TRAPPC10: variants seen among roughly 807,000 people sequenced by gnomAD.
The protein encoded by TRAPPC10 is TRAPP 130 kDa subunit.
Under a neutral mutation model 125.5 loss-of-function variants are expected in TRAPPC10, and 23 were observed. That is an observed-to-expected ratio of 0.18 (90% confidence interval 0.13 to 0.26). TRAPPC10 has a LOEUF of 0.26. Among genes scored for constraint, TRAPPC10 ranks in the 10% least tolerant of loss-of-function variants. The pLI is 1.00. For synonymous variants in TRAPPC10, 509 were observed against 518.0 expected (o/e 0.98, Z 0.24); for missense variants, 1,123 against 1,308.4 (o/e 0.86, Z 2.19).
At chr21:44,023,121 C>T (rs1209419442) in intron 1 of TRAPPC10, among the ~76,000 whole-genome samples, 3 of 148,904 alleles carry the variant, frequency 2.0e-5, no homozygotes, top group African/African-American at 7.5e-5. Context: ...CAAGTTCCAC[C>T]TCCCGGGTTC....
intron 2 of TRAPPC10, among the ~76,000 whole-genome samples, chr21:44,033,867 A>G (rs1205509170): frequency 6.6e-6 from 1 of 152,212 alleles, no homozygotes; most frequent in Non-Finnish European, 1.5e-5. Flanking sequence ...TGGCTAAAAA[A>G]TAAATAAAAA....
chr21:44,063,587 C>T lies in TRAPPC10; in HGVS notation c.840C>T (p.Asn280=), dbSNP rs777027534. The T allele has an allele frequency of 5.0e-6, 8 of 1,614,072 alleles. No individual in the cohort carries two copies. The Admixed American group carries it at 5.0e-5, about 10-fold the overall frequency. ...TFFCQPVKSW[N]GLILRKPIDM... ...TCTGCCAGCCAGTGAAGAGCTGGAA[C>T]GGATTGATCCTCCGAAAACCCATAG... Residue 280 remains asparagine, a synonymous_variant, in exon 7 of 23, where the codon AAC becomes AAT. Coordinates refer to ENST00000291574, the MANE Select transcript of TRAPPC10 (RefSeq NM_003274.5). This position sits in a 1 kb window ranked among gnomAD's most constrained non-coding sequence, Gnocchi z 4.4.
intron 20 of TRAPPC10, among the ~76,000 whole-genome samples, chr21:44,095,933 CT>C (rs2038903557): frequency 6.9e-6 from 1 of 143,952 alleles, no homozygotes; most frequent in Non-Finnish European, 1.5e-5. Flanking sequence ...AGTGGAATTT[CT>C]GGGTCATAGG....
chr21:44,066,915 A>G (rs1179572354), intron 7 of TRAPPC10, among the ~76,000 whole-genome samples: 1 of 152,252 alleles, frequency 6.6e-6, no homozygotes, highest in Non-Finnish European at 1.5e-5. Context: ...ACCTTTGGTA[A>G]GAAAAAAGTA....
intron 3 of TRAPPC10, among the ~76,000 whole-genome samples, chr21:44,040,141 T>C (rs1178347343): frequency 1.3e-5 from 2 of 152,202 alleles, no homozygotes; most frequent in Non-Finnish European, 2.9e-5. Flanking sequence ...AGCTTCATCC[T>C]TTTCAGGGTT....
chr21:44,079,090 C>T (rs533801150), intron 11 of TRAPPC10, among the ~76,000 whole-genome samples: 1 of 152,280 alleles, frequency 6.6e-6, no homozygotes, highest in Non-Finnish European at 1.5e-5. Context: ...CGCTTGCGCC[C>T]TGTAGACTGC....
intron 13 of TRAPPC10, among the ~76,000 whole-genome samples, chr21:44,081,005 C>CTTTTTTTTTTCTTTTTTTTTT (rs2037673502): frequency 9.6e-5 from 10 of 103,866 alleles, no homozygotes; most frequent in Non-Finnish European, 1.3e-4. Flanking sequence ...TATTATTGTT[C>CTTTTTTTTTTCTTTTTTTTTT]TTTTTTTTTT....
rs777108066 is a variant in TRAPPC10, at chr21:44,077,642, TG to T, written c.1378-50del. The T allele has an allele frequency of 1.4e-5, 18 of 1,322,484 alleles. 1 individual carries two copies. In the South Asian group the frequency reaches 1.4e-4, roughly 10 times the overall value. 81.9% of individuals were successfully genotyped at this position (1,322,484 alleles called of 1,614,324 possible). ...GCTTTAGGTGAATAAATGTAGTATT[TG>T]TCCATCATTAAAAGTTCAAGTACAT... On this transcript the variant is annotated intron_variant, in intron 10 of 22. Transcript: ENST00000291574.
intron 3 of TRAPPC10, among the ~76,000 whole-genome samples, chr21:44,041,556 G>T (rs1348946745): frequency 3.3e-5 from 5 of 151,622 alleles, no homozygotes; most frequent in Non-Finnish European, 7.4e-5. Flanking sequence ...TTGTAGTTTG[G>T]AGACGGGGTT....
At chr21:44,025,929 T>C (rs1417068002) in intron 1 of TRAPPC10, among the ~76,000 whole-genome samples, 1 of 151,130 alleles carries the variant, frequency 6.6e-6, no homozygotes, top group Admixed American at 6.6e-5. Context: ...AGAGCCAGGC[T>C]GAATGGGTAT....
intron 4 of TRAPPC10, among the ~76,000 whole-genome samples, chr21:44,053,471 T>C (rs1485995565): frequency 1.3e-5 from 2 of 152,226 alleles, no homozygotes; most frequent in Non-Finnish European, 2.9e-5. Flanking sequence ...CCGTAAGTTA[T>C]TTATACATTC....
At chr21:44,025,979 G>C (rs1458500642) in intron 1 of TRAPPC10, among the ~76,000 whole-genome samples, 1 of 151,966 alleles carries the variant, frequency 6.6e-6, no homozygotes, top group Non-Finnish European at 1.5e-5. Flanking sequence ...GGTGTACTGA[G>C]TACTTCTTTA....
intron 1 of TRAPPC10, among the ~76,000 whole-genome samples, chr21:44,013,727 CTCTT>C (rs1304896216): frequency 2.0e-5 from 3 of 152,172 alleles, no homozygotes; most frequent in South Asian, 2.1e-4. Context: ...CTCCTCCTCT[CTCTT>C]TTTTTTCTAC....
Position 44,087,872 on chromosome 21 carries a change from A to G in TRAPPC10, c.2713A>G (p.Arg905Gly). 1 of 1,614,204 alleles carries G rather than the reference A, an allele frequency of 6.2e-7. No individual in the cohort carries two copies. Among genetic ancestry groups the G allele is most frequent in the African/African-American group, 1.3e-5 (1 of 75,076 alleles). ...SDMLGMAEPH[R>G]KHKDKQRTGR... Reference sequence around the variant, plus strand: ...CATGCTGGGGATGGCAGAGCCCCACAGGAAGCATAAGGACAAACAGAGAAC... The same window carrying G: ...CATGCTGGGGATGGCAGAGCCCCACGGGAAGCATAAGGACAAACAGAGAAC... The change falls in exon 17 of 23, where the codon AGG (arginine) becomes GGG (glycine). Residue 905 changes from arginine (R) to glycine (G), a missense_variant. Transcript: ENST00000291574. The surrounding 1 kb of genome is among the most constrained non-coding windows in gnomAD (Gnocchi z 4.6).
rs1362264281 is a variant in TRAPPC10 at position 44,092,007 on chromosome 21, T to C, written c.2955T>C (p.Ser985=). ...SDSYLVDTGD[S]TDLQLVPLNT... ...GTTATCTTGTAGATACCGGTGATAG[T>C]ACCGACCTGCAACTAGTACCACTGA... Residue 985 remains serine, a synonymous_variant, in exon 19 of 23, where the codon AGT becomes AGC. Coordinates refer to ENST00000291574, the MANE Select transcript of TRAPPC10 (RefSeq NM_003274.5). 1 of 1,614,198 alleles carries C rather than the reference T, an allele frequency of 6.2e-7. No homozygotes were observed.
At chr21:44,027,765 G>T (rs138733136) in intron 1 of TRAPPC10, among the ~76,000 whole-genome samples, 2 of 152,288 alleles carry the variant, frequency 1.3e-5, no homozygotes, top group African/African-American at 4.8e-5. Flanking sequence ...TAATGTGATG[G>T]TTTTGGGAGG....
intron 13 of TRAPPC10, among the ~76,000 whole-genome samples, chr21:44,081,627 G>A (rs938529769): frequency 3.2e-4 from 48 of 152,142 alleles, no homozygotes; most frequent in Non-Finnish European, 1.0e-4. Flanking sequence ...GAAACTTCTA[G>A]GAACTTCTGC....
chr21:44,049,685 C>A (rs949779834), intron 3 of TRAPPC10, among the ~76,000 whole-genome samples: 1 of 152,160 alleles, frequency 6.6e-6, no homozygotes, highest in Non-Finnish European at 1.5e-5. Flanking sequence ...TGGACACCCT[C>A]CTCACTGCTG....
At chr21:44,014,817 AG>A (rs1195671769) in intron 1 of TRAPPC10, among the ~76,000 whole-genome samples, 1 of 152,142 alleles carries the variant, frequency 6.6e-6, no homozygotes, top group Admixed American at 6.5e-5. Context: ...TCAGAAGAGA[AG>A]GGGGCTTCAG....
Sources: gnomAD v4.1 joint callset for allele counts (sites outside exome capture counted in the v4.1 genomes callset) on GRCh38, gnomAD v4.1.1 for gene constraint, Gnocchi (gnomAD v3.1) non-coding constraint, MANE v1.5 for transcripts, NCBI Gene and HGNC (gene_info 2026-07-23, HGNC 2026-07-21) for gene names.